GRIP1: variants seen among roughly 807,000 people sequenced by gnomAD.
GRIP1 encodes glutamate receptor-interacting protein 1.
A neutral mutation model predicts 129.9 loss-of-function variants in GRIP1; 45 were observed. That is an observed-to-expected ratio of 0.35 (90% confidence interval 0.27 to 0.44). The LOEUF is 0.44. GRIP1 is among the 20% of genes least tolerant of loss of function. The pLI is 1.00. For missense variants in GRIP1, 1,196 were observed against 1,396.8 expected (o/e 0.86, Z 2.29); for synonymous variants, 530 against 520.8 (o/e 1.02, Z -0.24).
chr12:66,953,479 C>T (rs2041792011), intron 1 of GRIP1, among the ~76,000 whole-genome samples: 1 of 152,166 alleles, frequency 6.6e-6, no homozygotes, highest in Non-Finnish European at 1.5e-5. Context: ...GACAAGGAAA[C>T]TAAAGCTTAG....
intron 22 of GRIP1, among the ~76,000 whole-genome samples, chr12:66,376,240 A>T (rs1495497): frequency 0.5 from 76,445 of 152,082 alleles, 19,823 homozygotes; most frequent in East Asian, 0.78. Context: ...ACATAAAATA[A>T]CCACACATGC....
chr12:66,574,861 G>C (rs55952241), intron 2 of GRIP1, among the ~76,000 whole-genome samples: 1 of 149,954 alleles, frequency 6.7e-6, no homozygotes. Flanking sequence ...TCTCAGCTCC[G>C]CCTTCTGGAT....
intron 1 of GRIP1, among the ~76,000 whole-genome samples, chr12:66,831,040 TCTCA>T (rs1487737332): frequency 6.6e-6 from 1 of 151,886 alleles, no homozygotes; most frequent in African/African-American, 2.4e-5. Flanking sequence ...AGAGATGCGG[TCTCA>T]CTGTTTTCTA....
In GRIP1 at chr12:67,029,907, T is replaced by TA. The variant is rs889084883; in HGVS notation, c.58+39142dup. Among the ~76,000 whole-genome samples, 3 of 151,510 alleles carry TA rather than the reference T, an allele frequency of 2.0e-5. No individual in the cohort carries two copies. In the East Asian group the frequency reaches 5.8e-4, roughly 29 times the overall value. ...TACTAATGTCCAATAAAAATAATAT[T>TA]AAAAAAAATCGGCCTGGCGCGGTGG... On this transcript the variant is annotated intron_variant, in intron 1 of 1. Transcript: ENST00000643019.
At chr12:66,977,310 C>T (rs868788900) in intron 1 of GRIP1, among the ~76,000 whole-genome samples, 2 of 151,006 alleles carry the variant, frequency 1.3e-5, no homozygotes, top group Non-Finnish European at 2.9e-5. Context: ...TTCAAAAAGA[C>T]ACATCATAAG....
intron 13 of GRIP1, among the ~76,000 whole-genome samples, chr12:66,443,547 C>T (rs1368925448): frequency 6.6e-6 from 1 of 151,788 alleles, no homozygotes; most frequent in African/African-American, 2.4e-5. Context: ...CTCCGCCTCC[C>T]GGGTTCAGGC....
rs542895826 is a variant in GRIP1, at chr12:66,480,143, A to G, written c.725-14721T>C. Among the ~76,000 whole-genome samples the G allele has an allele frequency of 4.5e-4, 69 of 152,328 alleles. 1 individual carries two copies. In the South Asian group the frequency reaches 8.1e-3, roughly 18 times the overall value. Reference sequence around the variant, plus strand: ...GAAGTCAAATTGTGTCTGTTTGCAGATGACATCATTGTATATTTAGAAAAC... The same window carrying G: ...GAAGTCAAATTGTGTCTGTTTGCAGGTGACATCATTGTATATTTAGAAAAC... On this transcript the variant is annotated intron_variant, in intron 7 of 24. Coordinates refer to ENST00000359742, the MANE Select transcript of GRIP1 (RefSeq NM_001366722.1).
At chr12:66,694,884 G>A (rs1346573188) in intron 1 of GRIP1, among the ~76,000 whole-genome samples, 3 of 152,162 alleles carry the variant, frequency 2.0e-5, no homozygotes, top group East Asian at 3.9e-4. Context: ...GAGCCTAAGG[G>A]CAGAGCTAGT....
chr12:66,895,266 T>G (rs2137247066), intron 1 of GRIP1, among the ~76,000 whole-genome samples: 1 of 152,292 alleles, frequency 6.6e-6, no homozygotes, highest in African/African-American at 2.4e-5. Flanking sequence ...GGGTGGGTTT[T>G]TCCCATGCTG....
intron 1 of GRIP1, among the ~76,000 whole-genome samples, chr12:66,648,454 T>C (rs1029254905): frequency 6.6e-6 from 1 of 152,210 alleles, no homozygotes; most frequent in African/African-American, 2.4e-5. Flanking sequence ...GTTCCCAGCT[T>C]ACGGCAGTTG....
In GRIP1 at chr12:66,420,758, G is replaced by A. The variant is rs750629778; in HGVS notation, c.1800C>T (p.Leu600=). ...TCCCTTTCTTGATATCTGAAATGAC[G>A]AGGGGGTCTCCTGGTTTTCTACTGG... is the stretch of plus-strand genomic sequence containing the variant. ...SPSSRKPGDP[L]VISDIKKGSV... Residue 600 remains leucine (L), a synonymous_variant, in exon 15 of 25, where the codon CTC becomes CTT. Transcript: ENST00000359742. The A allele has an allele frequency of 3.1e-6, 5 of 1,588,030 alleles. No homozygotes were observed. Among genetic ancestry groups the A allele is most frequent in the South Asian group, 1.1e-5 (1 of 90,540 alleles).
chr12:66,908,701 A>C (rs376410235), intron 1 of GRIP1, among the ~76,000 whole-genome samples: 40 of 152,338 alleles, frequency 2.6e-4, no homozygotes, highest in African/African-American at 8.4e-4. Flanking sequence ...GAGGGAAAAA[A>C]TGATATGGAA....
At chr12:66,804,945 C>G (rs992145993), upstream of GRIP1, among the ~76,000 whole-genome samples, 3 of 152,146 alleles carry the variant, frequency 2.0e-5, no homozygotes, top group Admixed American at 6.5e-5. Flanking sequence ...TTTCAAATGA[C>G]ACGTTTACCC....
intron 1 of GRIP1, among the ~76,000 whole-genome samples, chr12:67,018,654 A>G (rs987389767): frequency 1.3e-4 from 20 of 152,080 alleles, no homozygotes; most frequent in African/African-American, 4.8e-4. Flanking sequence ...GTTGGCTTTC[A>G]AACTGTGGTC....
chr12:66,368,679 T>C (rs1347327810), intron 23 of GRIP1, among the ~76,000 whole-genome samples: 1 of 152,210 alleles, frequency 6.6e-6, no homozygotes, highest in Non-Finnish European at 1.5e-5. Flanking sequence ...TTCCCTAATG[T>C]TCACAAAGGT....
intron 8 of GRIP1, 106 bp from the exon 9 acceptor site, chr12:66,463,199 TAAAAG>T (rs934584178): frequency 1.3e-4 from 81 of 623,374 alleles, no homozygotes; most frequent in African/African-American, 2.5e-4. Flanking sequence ...TTACTTAAAA[TAAAAG>T]AAAAGAAAAG....
intron 1 of GRIP1, among the ~76,000 whole-genome samples, chr12:66,664,844 T>C (rs990161880): frequency 1.3e-5 from 2 of 152,174 alleles, no homozygotes; most frequent in African/African-American, 4.8e-5. Flanking sequence ...CTTTTTAATG[T>C]TAATGGTACA....
At chr12:66,721,887 A>G (rs1256022466) in intron 1 of GRIP1, among the ~76,000 whole-genome samples, 1 of 152,016 alleles carries the variant, frequency 6.6e-6, no homozygotes, top group African/African-American at 2.4e-5. Context: ...CTTAAATCTC[A>G]TGAACCAACC....
intron 1 of GRIP1, among the ~76,000 whole-genome samples, chr12:66,648,323 C>T (rs769364059): frequency 2.6e-5 from 4 of 152,204 alleles, no homozygotes; most frequent in Non-Finnish European, 5.9e-5. Flanking sequence ...CCTTCCTCAT[C>T]CTTTAGTGCT....
Sources: allele counts gnomAD v4.1 joint callset (sites outside exome capture counted in the v4.1 genomes callset), GRCh38; gene constraint gnomAD v4.1.1; transcripts MANE v1.5; gene names NCBI Gene and HGNC (gene_info 2026-07-23, HGNC 2026-07-21).